Variants in APOL1 observed in about 807,000 individuals in gnomAD.
The protein encoded by APOL1 is apolipoprotein L 1.
In APOL1, 17 loss-of-function variants were observed where a neutral mutation model predicts 14.9. That is an observed-to-expected ratio of 1.14 (90% confidence interval 0.78 to 1.71). APOL1 has a LOEUF of 1.71. Ranked by LOEUF, APOL1 falls within the 40% of genes most tolerant of loss-of-function variation. APOL1 has a pLI of 0.00. For synonymous variants in APOL1, 195 were observed against 184.8 expected, an observed-to-expected ratio of 1.05 and a Z score of -0.45; for missense variants, 523 against 485.9, an observed-to-expected ratio of 1.08 and a Z score of -0.72.
At chr22:36,254,794 C>T (rs1046411538) in intron 1 of APOL1, 143 bp from the exon 2 acceptor site, 56 of 1,036,016 alleles carry the variant, frequency 5.4e-5, no homozygotes, top group Non-Finnish European at 7.2e-5. Context: ...ACCCGGGAGG[C>T]AGAGCTTGTA....
chr22:36,253,305 T>C (rs940831035), intron 1 of APOL1, 86 bp downstream of exon 1: 7 of 277,900 alleles, frequency 2.5e-5, no homozygotes, highest in African/African-American at 1.1e-4. Context: ...CTGGTTCAGA[T>C]AGACAGGAAA....
chr22:36,259,668 G>A (rs939575889), intron 4 of APOL1: 1 of 1,291,584 alleles, frequency 7.7e-7, no homozygotes, highest in East Asian at 5.7e-5. Context: ...TTTAATAACA[G>A]GCCCAGCTGG....
At chr22:36,259,631 C>A (rs1328819550) in intron 4 of APOL1, 4 of 1,266,140 alleles carry the variant, frequency 3.2e-6, no homozygotes, top group Non-Finnish European at 4.1e-6. Flanking sequence ...AGGAAAAACT[C>A]TCCCCCCAAA....
chr22:36,263,126 G>A (rs1375825659), intron 5 of APOL1, among the ~76,000 whole-genome samples: 4 of 152,216 alleles, frequency 2.6e-5, no homozygotes, highest in Non-Finnish European at 5.9e-5. Flanking sequence ...TGACACCTGC[G>A]AGTGAGACCT....
At chr22:36,264,810 C>CTTTTTTTTT (rs368899919) in intron 5 of APOL1, among the ~76,000 whole-genome samples, 4 of 120,430 alleles carry the variant, frequency 3.3e-5, no homozygotes, top group Non-Finnish European at 7.0e-5. Flanking sequence ...AACTGCATTT[C>CTTTTTTTTT]TTTTTTTTTT....
intron 1 of APOL1, chr22:36,253,750 G>A (rs2015765654): frequency 1.7e-6 from 1 of 589,994 alleles, no homozygotes; most frequent in African/African-American, 1.9e-5. Context: ...GGAGCGGAAT[G>A]ACTTGCCCAG....
In APOL1 at chr22:36,266,313, T is replaced by C; in HGVS notation, c.*280T>C. ...ACCATGTTGGCCAGGATGGTCTCGATCTCCTGACCTCTTGATCTGCCCACC... is the reference window on the plus strand; with the variant it reads ...ACCATGTTGGCCAGGATGGTCTCGACCTCCTGACCTCTTGATCTGCCCACC... On this transcript the variant is annotated 3_prime_UTR_variant, in exon 6 of 6. Coordinates refer to ENST00000397278, the MANE Select transcript of APOL1 (RefSeq NM_003661.4). 1 of 422,642 alleles carries C rather than the reference T, an allele frequency of 2.4e-6. No homozygotes were observed. The allele number at this position is 422,642 out of a possible 1,614,324, so 26.2% of individuals were successfully genotyped here. A position where few individuals can be genotyped will look rare whatever the true frequency, so the allele number is the denominator to read the frequency against.
chr22:36,257,717 G>T (rs906101111), intron 4 of APOL1, among the ~76,000 whole-genome samples: 1 of 151,882 alleles, frequency 6.6e-6, no homozygotes, highest in Non-Finnish European at 1.5e-5. Flanking sequence ...GGGAGTGTGG[G>T]GAGAGCAGGG....
intron 4 of APOL1, among the ~76,000 whole-genome samples, chr22:36,259,294 C>G (rs2015998052): frequency 6.6e-6 from 1 of 152,190 alleles, no homozygotes; most frequent in Non-Finnish European, 1.5e-5. Context: ...TCAAGAAATA[C>G]ACAGATTTAG....
rs2016279038 is a variant in APOL1, at chr22:36,266,727, A to C, written c.*694A>C. On this transcript the variant is annotated 3_prime_UTR_variant, in exon 6 of 6. Transcript: ENST00000397278. ...GAGACCATCCTGGCTAACACAGTGAAACCCCGTCTCTACTAAAAATACAAA... is the reference window on the plus strand; with the variant it reads ...GAGACCATCCTGGCTAACACAGTGACACCCCGTCTCTACTAAAAATACAAA... The C allele has an allele frequency of 3.0e-6, 1 of 338,666 alleles. No homozygotes were observed. Among genetic ancestry groups the C allele is most frequent in the South Asian group, 1.5e-4 (1 of 6,620 alleles). The allele number at this position is 338,666 out of a possible 1,614,324, so 21.0% of individuals were successfully genotyped here.
intron 5 of APOL1, 46 bp downstream of exon 5, chr22:36,261,768 CCCAG>C (rs776453961): frequency 6.3e-7 from 1 of 1,586,032 alleles, no homozygotes; most frequent in Admixed American, 1.7e-5. Flanking sequence ...GGCGATGCCA[CCCAG>C]CTCTCCCCTG....
At chr22:36,253,885 G>A in intron 1 of APOL1, 1 of 1,573,730 alleles carries the variant, frequency 6.4e-7, no homozygotes, top group Non-Finnish European at 8.7e-7. Context: ...GTCCCTAATG[G>A]GAAACGTGGC....
At chr22:36,260,134 G>A (rs931779138) in intron 4 of APOL1, among the ~76,000 whole-genome samples, 6 of 152,162 alleles carry the variant, frequency 3.9e-5, no homozygotes, top group Admixed American at 1.3e-4. Flanking sequence ...TGTGGCTCAC[G>A]CCTGTAATCC....
chr22:36,261,807 C>A (rs983510506), intron 5 of APOL1, 85 bp downstream of exon 5: 2 of 1,505,474 alleles, frequency 1.3e-6, no homozygotes, highest in East Asian at 2.3e-5. Context: ...GACAGGCACA[C>A]CTCCTCCAGG....
chr22:36,253,790 A>T, intron 1 of APOL1: 1 of 703,340 alleles, frequency 1.4e-6, no homozygotes, highest in Non-Finnish European at 2.4e-6. Flanking sequence ...GAGCAGGTAG[A>T]TCATAGGACT....
intron 4 of APOL1, chr22:36,257,664 G>A: frequency 2.1e-6 from 1 of 487,280 alleles, no homozygotes; most frequent in East Asian, 3.3e-5. Flanking sequence ...TGACTCAAGT[G>A]GGGCAGGACA....
At chr22:36,262,546 A>T (rs564266385) in intron 5 of APOL1, among the ~76,000 whole-genome samples, 1 of 152,354 alleles carries the variant, frequency 6.6e-6, no homozygotes, top group Admixed American at 6.5e-5. Flanking sequence ...GCCTGGAGTC[A>T]GGATGGAGCA....
At chr22:36,258,123 G>A (rs901952244) in intron 4 of APOL1, among the ~76,000 whole-genome samples, 1 of 152,126 alleles carries the variant, frequency 6.6e-6, no homozygotes, top group Admixed American at 6.5e-5. Context: ...CTGGTCCCCT[G>A]TTGATTCCAG....
In APOL1 at chr22:36,266,039, G is replaced by C; in HGVS notation, c.*6G>C. On this transcript the variant is annotated 3_prime_UTR_variant, in exon 6 of 6. Coordinates refer to ENST00000397278, the MANE Select transcript of APOL1 (RefSeq NM_003661.4). ...AGGCGGACCAAGAACTGTGACCACAGGGCAGGGCAGCCACCAGGAGAGATA... is the reference window on the plus strand; with the variant it reads ...AGGCGGACCAAGAACTGTGACCACACGGCAGGGCAGCCACCAGGAGAGATA... 1 of 1,592,020 alleles carries C rather than the reference G, an allele frequency of 6.3e-7. No individual in the cohort carries two copies. The highest frequency in any genetic ancestry group is 8.6e-7 in the Non-Finnish European group (1 of 1,168,996).
Sources: gnomAD v4.1 joint callset for allele counts (sites outside exome capture counted in the v4.1 genomes callset) on GRCh38, gnomAD v4.1.1 for gene constraint, MANE v1.5 for transcripts, NCBI Gene and HGNC (gene_info 2026-07-23, HGNC 2026-07-21) for gene names.